The following GSTA4 variants were observed in gnomAD, a reference collection of about 807,000 sequenced individuals.
GSTA4 encodes the protein glutathione S-transferase A4.
Under a neutral mutation model 24.4 loss-of-function variants are expected in GSTA4, and 15 were observed. That is an observed-to-expected ratio of 0.61 (90% CI 0.41 to 0.95). The LOEUF is 0.95. Ranked by LOEUF, GSTA4 falls within the 40% of genes least tolerant of loss-of-function variation. GSTA4 has a pLI of 0.00. For missense variants in GSTA4, 244 were observed against 262.1 expected (o/e 0.93, Z 0.48); for synonymous variants, 92 against 94.2 (o/e 0.98, Z 0.13).
chr6:52,982,543 G>C (rs368873667), intron 6 of GSTA4, 31 bp downstream of exon 6: 2 of 1,577,220 alleles, frequency 1.3e-6, no homozygotes, highest in Non-Finnish European at 1.7e-6. Flanking sequence ...AAGAGTTCTA[G>C]GCCAATCTTC....
intron 6 of GSTA4, among the ~76,000 whole-genome samples, chr6:52,979,278 G>T (rs1763405007): frequency 6.6e-6 from 1 of 152,160 alleles, no homozygotes; most frequent in Non-Finnish European, 1.5e-5. Context: ...CTGATCTGCT[G>T]GGAGAAAATG....
At chr6:52,979,059 A>T (rs1014009766) in intron 6 of GSTA4, among the ~76,000 whole-genome samples, 11 of 152,248 alleles carry the variant, frequency 7.2e-5, no homozygotes, top group Non-Finnish European at 1.2e-4. Context: ...TGGCAAAAGT[A>T]AAAACATACT....
intron 2 of GSTA4, among the ~76,000 whole-genome samples, chr6:52,989,154 TATGGCA>T (rs1661696379): frequency 6.6e-6 from 1 of 152,192 alleles, no homozygotes. Flanking sequence ...TTACAAAGGC[TATGGCA>T]ATGTCAGGAA....
chr6:52,988,879 C>T (rs1763611473), intron 2 of GSTA4, among the ~76,000 whole-genome samples: 1 of 151,870 alleles, frequency 6.6e-6, no homozygotes, highest in African/African-American at 2.4e-5. Flanking sequence ...GTGTCAGAGG[C>T]GTGTGAACCA....
Position 52,978,374 on chromosome 6 carries a change from A to T in GSTA4, c.*96T>A. 8.0e-7 allele frequency: 1 copy of T among 1,254,470 alleles called. No homozygotes were observed. Among genetic ancestry groups the T allele is most frequent in the Non-Finnish European group, 1.1e-6 (1 of 887,104 alleles). 77.7% of individuals were successfully genotyped at this position (1,254,470 alleles called of 1,614,324 possible). A position where few individuals can be genotyped will look rare whatever the true frequency, so the allele number is the denominator to read the frequency against. On this transcript the variant is annotated 3_prime_UTR_variant, in exon 7 of 7. Coordinates refer to ENST00000370963, the MANE Select transcript of GSTA4 (RefSeq NM_001512.4). ...CAACTTAGGACCCAACTTAATACAT[A>T]GATAGCACCATGACAGAGCTGGGAT...
chr6:52,981,965 G>T (rs1394268574), intron 6 of GSTA4, among the ~76,000 whole-genome samples: 1 of 152,156 alleles, frequency 6.6e-6, no homozygotes. Flanking sequence ...GTGATGTTTA[G>T]GGTGCTAACA....
rs9463853 is a variant in GSTA4 at position 52,988,711 on chromosome 6, A to G, written c.88-1303T>C. Among the ~76,000 whole-genome samples, 1,374 of 152,340 alleles carry G rather than the reference A, an allele frequency of 9.0e-3. 26 individuals are homozygous for G. Among genetic ancestry groups the G allele is most frequent in the African/African-American group, 0.031 (1,286 of 41,572 alleles). ...AGATTTCAGAGGAGAGGAAACTGTT[A>G]TAACTGCTAAACAGACGTGTAACCA... On this transcript the variant is annotated intron_variant, in intron 2 of 6. Coordinates refer to ENST00000370963, the MANE Select transcript of GSTA4 (RefSeq NM_001512.4).
intron 2 of GSTA4, chr6:52,993,903 C>T (rs1763710947): frequency 2.4e-5 from 13 of 535,524 alleles, no homozygotes; most frequent in Non-Finnish European, 4.1e-5. Flanking sequence ...TTCCTTTCTT[C>T]TTATTAATAA....
chr6:52,991,792 CTGTT>C, intron 2 of GSTA4, among the ~76,000 whole-genome samples: 1 of 121,674 alleles, frequency 8.2e-6, no homozygotes, highest in East Asian at 2.4e-4. Context: ...GAGTCTCGTT[CTGTT>C]GTCCAGGCTG....
At chr6:52,979,404 C>T (rs1763407424) in intron 6 of GSTA4, among the ~76,000 whole-genome samples, 2 of 152,180 alleles carry the variant, frequency 1.3e-5, no homozygotes, top group African/African-American at 4.8e-5. Flanking sequence ...CTCTTTCTGG[C>T]TATGTGCAGG....
Position 52,982,892 on chromosome 6 carries a change from AGAGAGAGAGAGC to A in GSTA4, c.415-199_415-188del, listed in dbSNP as rs934916874. 7.3e-5 allele frequency among the ~76,000 whole-genome samples: 11 copies of A among 150,482 alleles called. No individual in the cohort carries two copies. In the Middle Eastern group the frequency reaches 0.01, roughly 143 times the overall value. On this transcript the variant is annotated intron_variant, in intron 5 of 6. Transcript: ENST00000370963. ...GAGAGTGAGAGAGAGGGGGAGAGAG[AGAGAGAGAGAGC>A]GAGAGAGAGAGAGAGAAAGTACAAA...
intron 6 of GSTA4, among the ~76,000 whole-genome samples, chr6:52,981,982 A>G (rs1414191940): frequency 6.6e-6 from 1 of 152,196 alleles, no homozygotes; most frequent in Non-Finnish European, 1.5e-5. Context: ...AACATCTCTC[A>G]TTTGCTCTCA....
At chr6:52,984,705 T>G (rs2127384964) in intron 4 of GSTA4, 100 bp from the exon 5 acceptor site, 4 of 961,056 alleles carry the variant, frequency 4.2e-6, no homozygotes, top group African/African-American at 1.7e-5. Context: ...TTTTTAAAGA[T>G]GCTGCAACTT....
intron 6 of GSTA4, among the ~76,000 whole-genome samples, chr6:52,979,781 TAA>T (rs1763414655): frequency 3.3e-5 from 5 of 152,166 alleles, no homozygotes; most frequent in African/African-American, 9.6e-5. Context: ...AAAACCCTAA[TAA>T]TGATGCCAAT....
At chr6:52,979,457 C>T (rs1444588547) in intron 6 of GSTA4, among the ~76,000 whole-genome samples, 1 of 152,180 alleles carries the variant, frequency 6.6e-6, no homozygotes, top group East Asian at 1.9e-4. Context: ...GGCTCAGATA[C>T]CAGATATTTA....
intron 6 of GSTA4, among the ~76,000 whole-genome samples, chr6:52,981,383 C>T (rs933261762): frequency 2.0e-5 from 3 of 152,088 alleles, no homozygotes; most frequent in Non-Finnish European, 4.4e-5. Flanking sequence ...GATTGGCAAG[C>T]TTTTTCCATA....
intron 2 of GSTA4, among the ~76,000 whole-genome samples, chr6:52,989,534 G>A (rs942576058): frequency 6.6e-6 from 1 of 152,118 alleles, no homozygotes; most frequent in African/African-American, 2.4e-5. Flanking sequence ...GAATTTAGTT[G>A]AAAAACATTC....
intron 2 of GSTA4, chr6:52,987,645 A>AT: frequency 2.3e-6 from 1 of 437,904 alleles, no homozygotes. Context: ...TGGGAAGTGT[A>AT]GAGAGGAATG....
intron 1 of GSTA4, 67 bp from the exon 2 acceptor site, chr6:52,994,328 T>C: frequency 1.3e-6 from 1 of 759,116 alleles, no homozygotes; most frequent in East Asian, 2.5e-5. Context: ...AACCCAGTGC[T>C]CAGGGGCGAA....
Sources: gnomAD v4.1 joint callset for allele counts (sites outside exome capture counted in the v4.1 genomes callset) on GRCh38, gnomAD v4.1.1 for gene constraint, MANE v1.5 for transcripts, NCBI Gene and HGNC (gene_info 2026-07-23, HGNC 2026-07-21) for gene names.